The following SUGCT variants were observed in gnomAD, a reference collection of about 807,000 sequenced individuals.
SUGCT encodes the protein succinyl-CoA:glutarate CoA-transferase.
In SUGCT, 41 loss-of-function variants were observed where a neutral mutation model predicts 55.0. The observed-to-expected ratio is 0.74, with a 90% CI of 0.58 to 0.97. The LOEUF (loss-of-function observed/expected upper bound fraction) is 0.97. Ranked by LOEUF, SUGCT falls within the 50% of genes least tolerant of loss-of-function variation. The pLI is 0.00. For missense variants in SUGCT, 568 were observed against 547.8 expected (o/e 1.04, Z -0.37); for synonymous variants, 187 against 200.4 (o/e 0.93, Z 0.56).
At chr7:40,578,709 A>T (rs1796912306) in intron 12 of SUGCT, among the ~76,000 whole-genome samples, 1 of 152,190 alleles carries the variant, frequency 6.6e-6, no homozygotes. Context: ...CGATTCTCTT[A>T]GGCACTCAAG....
At chr7:40,832,928 C>T (rs1792772652) in intron 13 of SUGCT, among the ~76,000 whole-genome samples, 1 of 152,080 alleles carries the variant, frequency 6.6e-6, no homozygotes, top group Non-Finnish European at 1.5e-5. Context: ...CCTGCCTCAG[C>T]CTCCCAAAGT....
At chr7:40,542,779 G>A (rs926574345) in intron 12 of SUGCT, among the ~76,000 whole-genome samples, 15 of 152,202 alleles carry the variant, frequency 9.9e-5, no homozygotes, top group African/African-American at 3.4e-4. Flanking sequence ...CGACTGCAAA[G>A]ACTGAGGCTC....
Position 40,188,515 on chromosome 7 carries a change from AC to A in SUGCT, c.248del (p.Thr83IlefsTer34), listed in dbSNP as rs1562563284. 5 of 1,610,124 alleles carry A rather than the reference AC, an allele frequency of 3.1e-6. No homozygotes were observed. The highest frequency in any genetic ancestry group is 4.2e-6 in the Non-Finnish European group (5 of 1,178,592). On this transcript the variant is annotated frameshift_variant, in exon 4 of 14. Transcript: ENST00000335693. LOFTEE classifies it high-confidence loss of function. ...ERPGAGDDTR[T>X]WGPPFVGTES... ...TTCAGGAGCTGGTGATGATACACGAACTTGGGGGCCACCTTTTGTTGGGACA... is the reference window on the plus strand; with the variant it reads ...TTCAGGAGCTGGTGATGATACACGAATTGGGGGCCACCTTTTGTTGGGACA...
intron 12 of SUGCT, among the ~76,000 whole-genome samples, chr7:40,622,400 C>G (rs1799302866): frequency 6.6e-6 from 1 of 152,146 alleles, no homozygotes; most frequent in Admixed American, 6.5e-5. Flanking sequence ...CAAGCTCTCA[C>G]TGGTGGTAAT....
At chr7:40,210,548 C>A (rs1452121143) in intron 6 of SUGCT, among the ~76,000 whole-genome samples, 1 of 151,912 alleles carries the variant, frequency 6.6e-6, no homozygotes, top group Non-Finnish European at 1.5e-5. Flanking sequence ...TAAGAAATAG[C>A]ACTCGAATAT....
chr7:40,626,269 T>G (rs970174195), intron 12 of SUGCT, among the ~76,000 whole-genome samples: 5 of 152,134 alleles, frequency 3.3e-5, no homozygotes, highest in Admixed American at 6.5e-5. Flanking sequence ...CTCTCTTTTT[T>G]TTTTGGAGAT....
intron 12 of SUGCT, among the ~76,000 whole-genome samples, chr7:40,732,647 C>T (rs79724241): frequency 0.04 from 6,140 of 152,210 alleles, 165 homozygotes; most frequent in Non-Finnish European, 0.065. Flanking sequence ...AGAAGACACA[C>T]CACACAGCTG....
In SUGCT at chr7:40,229,756, G is replaced by A. The variant is rs1025405248; in HGVS notation, c.485-7879G>A. On this transcript the variant is annotated intron_variant, in intron 6 of 13. Transcript: ENST00000335693. ...TTGAACCTGGGAGTTGGAAGCTGCAGTGAGCCGAGATCGTGCAACTGCACT... is the reference window on the plus strand; with the variant it reads ...TTGAACCTGGGAGTTGGAAGCTGCAATGAGCCGAGATCGTGCAACTGCACT... Among the ~76,000 whole-genome samples, 7 of 150,258 alleles carry A rather than the reference G, an allele frequency of 4.7e-5. No homozygotes were observed. The East Asian group carries it at 1.2e-3, about 25-fold the overall frequency.
chr7:41,038,667 G>A, the SUGCT span, among the ~76,000 whole-genome samples: 7 of 152,116 alleles, frequency 4.6e-5, no homozygotes, highest in African/African-American at 9.7e-5. Context: ...CCATAAGCTG[G>A]CTCTATTCAC....
At chr7:40,460,964 C>A (rs1038260403) in intron 11 of SUGCT, among the ~76,000 whole-genome samples, 12 of 152,164 alleles carry the variant, frequency 7.9e-5, no homozygotes, top group Non-Finnish European at 1.8e-4. Context: ...ATTGGTACTG[C>A]CGTTAAAACA....
chr7:40,920,314 T>G, the SUGCT span, among the ~76,000 whole-genome samples: 3 of 152,244 alleles, frequency 2.0e-5, no homozygotes, highest in Non-Finnish European at 2.9e-5. Flanking sequence ...AATTGGCTTC[T>G]TCTGTGAGGA....
the SUGCT span, among the ~76,000 whole-genome samples, chr7:40,929,822 C>T: frequency 6.6e-6 from 1 of 152,022 alleles, no homozygotes; most frequent in African/African-American, 2.4e-5. Context: ...GGATATTAGC[C>T]CTTTGTCAGA....
chr7:41,028,261 G>T, the SUGCT span, among the ~76,000 whole-genome samples: 2 of 152,252 alleles, frequency 1.3e-5, no homozygotes, highest in Non-Finnish European at 2.9e-5. Flanking sequence ...CCCTGGATAT[G>T]TTGAGAAAAC....
chr7:40,560,683 A>C (rs1795787623), intron 12 of SUGCT, among the ~76,000 whole-genome samples: 1 of 152,210 alleles, frequency 6.6e-6, no homozygotes, highest in South Asian at 2.1e-4. Context: ...TTGAAAATTG[A>C]AAGTATGTCT....
At chr7:40,713,186 C>T (rs1288754366) in intron 12 of SUGCT, among the ~76,000 whole-genome samples, 1 of 152,182 alleles carries the variant, frequency 6.6e-6, no homozygotes, top group Admixed American at 6.5e-5. Flanking sequence ...AGAAGCCTCC[C>T]CTGACTGGCA....
At chr7:41,019,635 T>C in the SUGCT span, among the ~76,000 whole-genome samples, 7,258 of 152,296 alleles carry the variant, frequency 0.048, 278 homozygotes, top group Admixed American at 0.078. Flanking sequence ...ATTTATTGAA[T>C]CAAATTTTCC....
intron 6 of SUGCT, among the ~76,000 whole-genome samples, chr7:40,207,243 A>G (rs1478015626): frequency 6.6e-6 from 1 of 152,128 alleles, no homozygotes; most frequent in Non-Finnish European, 1.5e-5. Flanking sequence ...CAATTAGGAA[A>G]TGGGCAAAGG....
intron 13 of SUGCT, among the ~76,000 whole-genome samples, chr7:40,766,205 A>G (rs1788780936): frequency 6.6e-6 from 1 of 152,008 alleles, no homozygotes; most frequent in South Asian, 2.1e-4. Flanking sequence ...TTCAACCTTA[A>G]ATCTTTAGTT....
chr7:40,501,350 A>G (rs1159993013), intron 12 of SUGCT, among the ~76,000 whole-genome samples: 1 of 152,138 alleles, frequency 6.6e-6, no homozygotes, highest in Non-Finnish European at 1.5e-5. Context: ...CCAGTTTTTT[A>G]TTAATATATA....
Sources: allele counts gnomAD v4.1 joint callset (sites outside exome capture counted in the v4.1 genomes callset), GRCh38; gene constraint gnomAD v4.1.1; transcripts MANE v1.5; gene names NCBI Gene and HGNC (gene_info 2026-07-23, HGNC 2026-07-21).